GFPT2: variants seen among roughly 807,000 people sequenced by gnomAD.
GFPT2 encodes glutamine--fructose-6-phosphate aminotransferase [isomerizing] 2.
Under a neutral mutation model 85.6 loss-of-function variants are expected in GFPT2, and 62 were observed. That is an observed-to-expected ratio of 0.72 (90% CI 0.59 to 0.90). GFPT2 has a LOEUF of 0.90. GFPT2 is among the 40% of genes least tolerant of loss of function. The pLI is 0.00. For synonymous variants in GFPT2, 368 were observed against 344.5 expected (o/e 1.07, Z -0.75); for missense variants, 788 against 893.4 (o/e 0.88, Z 1.50).
chr5:180,336,628 CA>C (rs750689329), intron 2 of GFPT2, 51 bp from the exon 3 acceptor site: 4 of 1,214,158 alleles, frequency 3.3e-6, no homozygotes. Context: ...TTTTCTCACA[CA>C]CTTGGCACAG....
At position 180,302,518 on chromosome 5, in the gene GFPT2, C is replaced by T. The variant is rs1763696274; in HGVS notation, c.1909G>A (p.Glu637Lys). ...ESSKFAYKTI[E>K]LPHTVDCLQG... Reference sequence around the variant, plus strand: ...AGGCAGTCCACAGTGTGGGGCAGCTCAATTGTCTTATACGCAAACTTGGAA... The same window carrying T: ...AGGCAGTCCACAGTGTGGGGCAGCTTAATTGTCTTATACGCAAACTTGGAA... Residue 637 changes from glutamate to lysine, a missense_variant, in exon 18 of 19, where the codon GAG (glutamate) becomes AAG (lysine). Transcript: ENST00000253778. 1 of 1,613,898 alleles carries T rather than the reference C, an allele frequency of 6.2e-7. No homozygotes were observed. Among genetic ancestry groups the T allele is most frequent in the South Asian group, 1.1e-5 (1 of 91,066 alleles).
intron 10 of GFPT2, 88 bp from the exon 11 acceptor site, chr5:180,317,146 T>A: frequency 2.3e-6 from 2 of 886,806 alleles, no homozygotes; most frequent in Non-Finnish European, 3.8e-6. Flanking sequence ...CCTGTAAAGC[T>A]TACTGCAGAT....
chr5:180,347,824 T>C (rs1343896801), intron 1 of GFPT2, among the ~76,000 whole-genome samples: 1 of 149,584 alleles, frequency 6.7e-6, no homozygotes, highest in East Asian at 2.0e-4. Context: ...AGCGTGGGGG[T>C]GGAGGGGAGG....
At chr5:180,336,807 T>A (rs1191496055) in intron 2 of GFPT2, among the ~76,000 whole-genome samples, 5 of 152,240 alleles carry the variant, frequency 3.3e-5, no homozygotes, top group Non-Finnish European at 7.4e-5. Flanking sequence ...CCCCCAGCCC[T>A]GCTCCTGCCT....
intron 17 of GFPT2, among the ~76,000 whole-genome samples, chr5:180,303,178 C>T (rs1250174062): frequency 4.7e-5 from 7 of 149,200 alleles, no homozygotes; most frequent in Admixed American, 3.4e-4. Flanking sequence ...TGCAGTGAGC[C>T]GAGATGGCGC....
In GFPT2 at chr5:180,312,572, A is replaced by G. The variant is rs533224401; in HGVS notation, c.1432-28T>C. On this transcript the variant is annotated intron_variant, in intron 14 of 18. Coordinates refer to ENST00000253778, the MANE Select transcript of GFPT2 (RefSeq NM_005110.4). ...GTGCACAAAGAAGGAGGTGGCAGGG[A>G]CCTTATTTTCACTTTTTAAATCAAC... The G allele has an allele frequency of 7.7e-6, 9 of 1,176,108 alleles. 1 individual carries two copies. The South Asian group carries it at 1.1e-4, about 14-fold the overall frequency. 72.9% of individuals were successfully genotyped at this position (1,176,108 alleles called of 1,614,324 possible). A position where few individuals can be genotyped will look rare whatever the true frequency, so the allele number is the denominator to read the frequency against.
chr5:180,317,008 C>A lies in GFPT2; in HGVS notation c.1009G>T (p.Val337Phe). 6.2e-7 allele frequency: 1 copy of A among 1,612,458 alleles called. No homozygotes were observed. Residue 337 changes from valine (V) to phenylalanine (F), a missense_variant, in exon 11 of 19, where the codon GTT becomes TTT. Physicochemically the swap from Val to Phe is conservative, Grantham distance 50. Transcript: ENST00000253778. The stretch of plus-strand genomic sequence containing the variant: ...ACCCGACCTCTCATAGTATTGAAAA[C>A]TGATTCTGGCTGTTCGAAGATCTCC... Reference protein sequence around the residue: ...QKEIFEQPESVFNTMRGRVNF... With the variant: ...QKEIFEQPESFFNTMRGRVNF...
At chr5:180,339,107 C>A (rs186362305) in intron 1 of GFPT2, among the ~76,000 whole-genome samples, 1 of 152,022 alleles carries the variant, frequency 6.6e-6, no homozygotes, top group South Asian at 2.1e-4. Flanking sequence ...GAGCCGGGGG[C>A]GGTGGCTCAT....
intron 8 of GFPT2, 137 bp downstream of exon 8, chr5:180,324,679 C>A: frequency 1.4e-6 from 1 of 690,568 alleles, no homozygotes; most frequent in East Asian, 2.5e-5. Context: ...ACCTTTTAGA[C>A]CTGGAGCTGT....
At chr5:180,324,494 TAC>T in intron 8 of GFPT2, 189 bp from the exon 9 acceptor site, 1 of 588,600 alleles carries the variant, frequency 1.7e-6, no homozygotes, top group Admixed American at 3.2e-5. Context: ...TTTAAATGGC[TAC>T]AGTGTGAGAG....
In GFPT2 at chr5:180,320,086, G is replaced by A. The variant is rs189413051; in HGVS notation, c.795-1130C>T. Among the ~76,000 whole-genome samples, 371 of 152,190 alleles carry A rather than the reference G, an allele frequency of 2.4e-3. 1 individual carries two copies. Among genetic ancestry groups the A allele is most frequent in the Non-Finnish European group, 3.5e-3 (235 of 68,006 alleles). ...CCACTCACTGCAAGCTCTGCCTCCC[G>A]GGTTCACGCCATTCTCCTGCCTCAG... On this transcript the variant is annotated intron_variant, in intron 9 of 18. Transcript: ENST00000253778.
At chr5:180,338,299 T>G (rs1356559160) in intron 2 of GFPT2, among the ~76,000 whole-genome samples, 194 bp downstream of exon 2, 1 of 152,188 alleles carries the variant, frequency 6.6e-6, no homozygotes, top group Admixed American at 6.5e-5. Flanking sequence ...CTGGGGTTTT[T>G]TACCCTTGCT....
At chr5:180,310,557 C>A (rs1258047964) in intron 15 of GFPT2, among the ~76,000 whole-genome samples, 3 of 151,852 alleles carry the variant, frequency 2.0e-5, no homozygotes, top group Non-Finnish European at 2.9e-5. Context: ...ATTACAGGCA[C>A]CTGCCACCAC....
chr5:180,353,065 G>T (rs889654186), intron 1 of GFPT2, 146 bp downstream of exon 1: 3 of 618,518 alleles, frequency 4.9e-6, no homozygotes, highest in Non-Finnish European at 6.9e-6. Context: ...CCCGGCCGAC[G>T]ACAGCCCCTC....
intron 1 of GFPT2, chr5:180,353,002 C>G (rs562692557): frequency 5.0e-6 from 2 of 397,020 alleles, no homozygotes; most frequent in African/African-American, 2.1e-5. Context: ...GGGCATCCCC[C>G]ACCCACACCT....
chr5:180,315,026 G>C (rs955716375), intron 13 of GFPT2, among the ~76,000 whole-genome samples: 1 of 152,142 alleles, frequency 6.6e-6, no homozygotes, highest in Admixed American at 6.5e-5. Flanking sequence ...GATGGTCGGT[G>C]TATCTGTACT....
chr5:180,317,563 TC>T (rs1764036479), intron 10 of GFPT2, among the ~76,000 whole-genome samples: 1 of 150,838 alleles, frequency 6.6e-6, no homozygotes, highest in East Asian at 1.9e-4. Context: ...ATCGAGACCA[TC>T]CCGGCTAAAA....
chr5:180,303,527 G>T (rs1469348725), intron 17 of GFPT2, among the ~76,000 whole-genome samples: 1 of 152,228 alleles, frequency 6.6e-6, no homozygotes, highest in Non-Finnish European at 1.5e-5. Context: ...GCCAGATAAC[G>T]CAGGACTGTG....
At chr5:180,320,993 T>A (rs1254586868) in intron 9 of GFPT2, among the ~76,000 whole-genome samples, 4 of 152,032 alleles carry the variant, frequency 2.6e-5, no homozygotes, top group African/African-American at 9.7e-5. Context: ...TACAAATAAC[T>A]TCGTATGCTT....
Sources: allele counts gnomAD v4.1 joint callset (sites outside exome capture counted in the v4.1 genomes callset), GRCh38; gene constraint gnomAD v4.1.1; transcripts MANE v1.5; gene names NCBI Gene and HGNC (gene_info 2026-07-23, HGNC 2026-07-21).